TRDMT1: variants seen among roughly 807,000 people sequenced by gnomAD.
The protein encoded by TRDMT1 is tRNA aspartic acid methyltransferase 1.
A neutral mutation model predicts 51.2 loss-of-function variants in TRDMT1; 49 were observed. That is an observed-to-expected ratio of 0.96 (90% CI 0.76 to 1.21). The LOEUF (loss-of-function observed/expected upper bound fraction) is 1.21, where lower values mean the gene tolerates loss of function less well. Among genes scored for constraint, TRDMT1 ranks in the 50% most tolerant of loss-of-function variants. The pLI, the probability that TRDMT1 is intolerant of heterozygous loss-of-function variation, is 0.00. For synonymous variants in TRDMT1, 187 were observed against 164.6 expected, an observed-to-expected ratio of 1.14 and a Z score of -1.04; for missense variants, 534 against 462.3, an observed-to-expected ratio of 1.16 and a Z score of -1.42.
intron 1 of TRDMT1, among the ~76,000 whole-genome samples, chr10:17,194,377 A>G (rs1845097145): frequency 1.3e-5 from 2 of 152,336 alleles, no homozygotes; most frequent in African/African-American, 4.8e-5. Context: ...GACAACTCAC[A>G]GAATGGGAGA....
chr10:17,161,473 ATT>A lies in TRDMT1; in HGVS notation c.389+8_389+9del, dbSNP rs574284628. Reference sequence around the variant, plus strand: ...TCTAAGATGTATGCAAGACAAATACATTTTTTTACCTTGTAGAAGATACTTCA... The same window carrying A: ...TCTAAGATGTATGCAAGACAAATACATTTTTACCTTGTAGAAGATACTTCA... On this transcript the variant is annotated splice_region_variant and intron_variant, in intron 5 of 10. Transcript: ENST00000377799. 1,925 of 1,368,662 alleles carry A rather than the reference ATT, an allele frequency of 1.4e-3. 30 individuals are homozygous for A. In the African/African-American group the frequency reaches 0.025, roughly 18 times the overall value. 84.8% of individuals were successfully genotyped at this position (1,368,662 alleles called of 1,614,324 possible).
At chr10:17,189,243 T>G in intron 1 of TRDMT1, among the ~76,000 whole-genome samples, 1 of 152,358 alleles carries the variant, frequency 6.6e-6, no homozygotes, top group East Asian at 1.9e-4. Context: ...ATTTGTATTT[T>G]GTTTTTGTTC....
chr10:17,198,789 A>G (rs1208193036), intron 1 of TRDMT1, among the ~76,000 whole-genome samples: 1 of 152,256 alleles, frequency 6.6e-6, no homozygotes, highest in Non-Finnish European at 1.5e-5. Flanking sequence ...AATAGTTTAA[A>G]TGATACATTT....
chr10:17,173,701 A>T (rs1394933379), intron 2 of TRDMT1, among the ~76,000 whole-genome samples: 1 of 152,130 alleles, frequency 6.6e-6, no homozygotes, highest in Non-Finnish European at 1.5e-5. Context: ...TTGCATGTAA[A>T]TTATGAGAAA....
At chr10:17,151,334 A>T in intron 10 of TRDMT1, 1 of 985,442 alleles carries the variant, frequency 1.0e-6, no homozygotes, top group Non-Finnish European at 1.2e-6. Context: ...TCAAGATATC[A>T]GCTTTCACCC....
chr10:17,180,273 G>C (rs566363325), intron 1 of TRDMT1, among the ~76,000 whole-genome samples: 1 of 152,160 alleles, frequency 6.6e-6, no homozygotes. Context: ...GGGTGTGGTG[G>C]CTCATGCCTT....
At chr10:17,176,429 T>C (rs7092777) in intron 1 of TRDMT1, among the ~76,000 whole-genome samples, 144,191 of 152,164 alleles carry the variant, frequency 0.95, 68,692 homozygotes, top group Non-Finnish European at 1. Context: ...CTGGAGGTCA[T>C]AAAAACTGAC....
Position 17,143,650 on chromosome 10 carries a change from G to A in TRDMT1, c.*5390C>T, listed in dbSNP as rs1837862333. The A allele has an allele frequency of 1.0e-6, 1 of 985,296 alleles. No individual in the cohort carries two copies. The highest frequency in any genetic ancestry group is 6.1e-5 in the Admixed American group (1 of 16,262). 61.0% of individuals were successfully genotyped at this position (985,296 alleles called of 1,614,324 possible). ...TTTAACCAAGCACACAAATATGATT[G>A]CAAATATATGTGTGGGTGTTTTTAA... is the stretch of plus-strand genomic sequence containing the variant. On this transcript the variant is annotated 3_prime_UTR_variant, in exon 11 of 11. Transcript: ENST00000377799.
rs1222242115 is a variant in TRDMT1, at chr10:17,143,141, G to A, written c.*5899C>T. 5.1e-6 allele frequency: 5 copies of A among 985,418 alleles called. No individual in the cohort carries two copies. Among genetic ancestry groups the A allele is most frequent in the Non-Finnish European group, 6.0e-6 (5 of 829,940 alleles). 61.0% of individuals were successfully genotyped at this position (985,418 alleles called of 1,614,324 possible). A position where few individuals can be genotyped will look rare whatever the true frequency, so the allele number is the denominator to read the frequency against. On this transcript the variant is annotated 3_prime_UTR_variant, in exon 11 of 11. Transcript: ENST00000377799. ...AACAGACAAATTAAATAGTTTTCAAGAGAACAACTTAAAGACATTGTTTGA... is the reference window on the plus strand; with the variant it reads ...AACAGACAAATTAAATAGTTTTCAAAAGAACAACTTAAAGACATTGTTTGA...
At chr10:17,189,731 C>T (rs1046794564) in intron 1 of TRDMT1, among the ~76,000 whole-genome samples, 1 of 151,982 alleles carries the variant, frequency 6.6e-6, no homozygotes, top group African/African-American at 2.4e-5. Context: ...AAATCATATG[C>T]TAACATATGA....
At position 17,147,044 on chromosome 10, in the gene TRDMT1, A is replaced by C. The variant is rs957825817; in HGVS notation, c.*1996T>G. 6.1e-6 allele frequency: 6 copies of C among 985,580 alleles called. No individual in the cohort carries two copies. In the Admixed American group the frequency reaches 3.1e-4, roughly 51 times the overall value. The allele number at this position is 985,580 out of a possible 1,614,324, so 61.1% of individuals were successfully genotyped here. A position where few individuals can be genotyped will look rare whatever the true frequency, so the allele number is the denominator to read the frequency against. On this transcript the variant is annotated 3_prime_UTR_variant, in exon 11 of 11. Transcript: ENST00000377799. ...AGCAAATGTCTCTACAGACCTTTCA[A>C]GTATTTATAGTTGGTGCACAGTAAC...
In TRDMT1 at chr10:17,146,027, G is replaced by A; in HGVS notation, c.*3013C>T. ...GAACTTCCACCCCTACCAATGCGTT[G>A]AATTGCCTGCACTCATCTCTAACCC... is the stretch of plus-strand genomic sequence containing the variant. On this transcript the variant is annotated 3_prime_UTR_variant, in exon 11 of 11. Transcript: ENST00000377799. The A allele has an allele frequency of 1.0e-6, 1 of 985,408 alleles. No homozygotes were observed. The highest frequency in any genetic ancestry group is 1.2e-6 in the Non-Finnish European group (1 of 829,930). 61.0% of individuals were successfully genotyped at this position (985,408 alleles called of 1,614,324 possible).
chr10:17,161,977 G>A (rs1469756583), intron 4 of TRDMT1, among the ~76,000 whole-genome samples, 189 bp downstream of exon 4: 1 of 152,172 alleles, frequency 6.6e-6, no homozygotes, highest in Non-Finnish European at 1.5e-5. Context: ...TCACCGTGGT[G>A]GCAAGCATGG....
chr10:17,143,982 T>G lies in TRDMT1; in HGVS notation c.*5058A>C. On this transcript the variant is annotated 3_prime_UTR_variant, in exon 11 of 11. Transcript: ENST00000377799. ...GTTAAAAATGTCCCAGCATGAAGATTCTAGAATAGGACTTAGGAAAACAGC... is the reference window on the plus strand; with the variant it reads ...GTTAAAAATGTCCCAGCATGAAGATGCTAGAATAGGACTTAGGAAAACAGC... 1 of 985,400 alleles carries G rather than the reference T, an allele frequency of 1.0e-6. No individual in the cohort carries two copies. The highest frequency in any genetic ancestry group is 1.2e-6 in the Non-Finnish European group (1 of 829,932). 61.0% of individuals were successfully genotyped at this position (985,400 alleles called of 1,614,324 possible).
intron 5 of TRDMT1, among the ~76,000 whole-genome samples, chr10:17,161,106 G>A (rs1451647708): frequency 6.6e-6 from 1 of 151,990 alleles, no homozygotes; most frequent in Non-Finnish European, 1.5e-5. Context: ...CCCGACACAG[G>A]AATTCTTCCT....
rs544446953 is a variant in TRDMT1 at position 17,151,909 on chromosome 10, G to A, written c.1075+1598C>T. The A allele has an allele frequency of 5.6e-5, 62 of 1,114,334 alleles. No individual in the cohort carries two copies. The Admixed American group carries it at 1.7e-3, about 30-fold the overall frequency. The allele number at this position is 1,114,334 out of a possible 1,614,324, so 69.0% of individuals were successfully genotyped here. On this transcript the variant is annotated intron_variant, in intron 10 of 10. Transcript: ENST00000377799. ...AGAGAAGTAAACTAAAGAAGGGAAC[G>A]GTTAAGGTGGGGCTGGGATATGAAA...
chr10:17,154,750 A>G lies in TRDMT1; in HGVS notation c.888-16T>C. Reference sequence around the variant, plus strand: ...GCTTCCATATCTGAAAAATCAACACAACAATTATGCAGCACCTGATGTATG... The same window carrying G: ...GCTTCCATATCTGAAAAATCAACACGACAATTATGCAGCACCTGATGTATG... On this transcript the variant is annotated splice_polypyrimidine_tract_variant and intron_variant, in intron 8 of 10. Transcript: ENST00000377799. 6.3e-7 allele frequency: 1 copy of G among 1,597,694 alleles called. No homozygotes were observed. The highest frequency in any genetic ancestry group is 8.5e-7 in the Non-Finnish European group (1 of 1,172,990).
intron 1 of TRDMT1, among the ~76,000 whole-genome samples, chr10:17,185,546 C>T (rs966321202): frequency 6.6e-6 from 1 of 152,104 alleles, no homozygotes; most frequent in South Asian, 2.1e-4. Flanking sequence ...GAAATACCAT[C>T]CCATTACTGG....
Position 17,157,452 on chromosome 10 carries a change from G to C in TRDMT1, c.876C>G (p.Cys292Trp), listed in dbSNP as rs1164558647. The C allele has an allele frequency of 2.5e-6, 4 of 1,605,120 alleles. No homozygotes were observed. Among genetic ancestry groups the C allele is most frequent in the Non-Finnish European group, 3.4e-6 (4 of 1,173,012 alleles). Reference sequence around the variant, plus strand: ...TCTTTAAAACCTACCCTTTGGTAAAGCACACGGACCTTCTACAAGTGGGCT... The same window carrying C: ...TCTTTAAAACCTACCCTTTGGTAAACCACACGGACCTTCTACAAGTGGGCT... ...IVQPTCRRSV[C>W]FTKGYGSYIE... is the part of the protein sequence containing the mutation. The change falls in exon 8 of 11, where the codon TGC becomes TGG. Residue 292 changes from cysteine (C) to tryptophan (W), a missense_variant. Cys to Trp is a radical substitution (Grantham distance 215, BLOSUM62 -2). Coordinates refer to ENST00000377799, the MANE Select transcript of TRDMT1 (RefSeq NM_004412.7).
Sources: gnomAD v4.1 joint callset for allele counts (sites outside exome capture counted in the v4.1 genomes callset) on GRCh38, gnomAD v4.1.1 for gene constraint, MANE v1.5 for transcripts, NCBI Gene and HGNC (gene_info 2026-07-23, HGNC 2026-07-21) for gene names.